Variants in PRRC2B observed in about 807,000 individuals in gnomAD.
The protein encoded by PRRC2B is proline rich coiled-coil 2B.
In PRRC2B, 68 loss-of-function variants were observed where a neutral mutation model predicts 242.3. The ratio of observed to expected loss-of-function variants is 0.28; its 90% CI spans 0.23 to 0.34. The LOEUF (loss-of-function observed/expected upper bound fraction) is 0.34, where lower values mean the gene tolerates loss of function less well. Ranked by LOEUF, PRRC2B falls within the 10% of genes least tolerant of loss-of-function variation. The pLI is 1.00. For synonymous variants in PRRC2B, 1,228 were observed against 1,173.6 expected (o/e 1.05, Z -0.95); for missense variants, 2,835 against 2,954.8 (o/e 0.96, Z 0.94).
intron 1 of PRRC2B, among the ~76,000 whole-genome samples, chr9:131,383,958 A>G (rs548154571): frequency 1.8e-4 from 28 of 151,640 alleles, no homozygotes; most frequent in Admixed American, 1.6e-3. Context: ...TTGCTCTGTC[A>G]CCCAGGTTGG....
chr9:131,408,327 T>A (rs1837421493), intron 1 of PRRC2B, among the ~76,000 whole-genome samples: 1 of 152,240 alleles, frequency 6.6e-6, no homozygotes, highest in South Asian at 2.1e-4. Flanking sequence ...GGCCCCAGCA[T>A]GTAAAGATAC....
chr9:131,487,398 G>GC lies in PRRC2B; in HGVS notation c.5984+106dup. The GC allele has an allele frequency of 1.3e-6, 1 of 763,320 alleles. No homozygotes were observed. The highest frequency in any genetic ancestry group is 3.5e-5 in the East Asian group (1 of 28,832). 47.3% of individuals were successfully genotyped at this position (763,320 alleles called of 1,614,324 possible). ...CTGTTTGGTGCTTGTCTGCTTTGGG[G>GC]CCAGTGGGGCGGGGAGGGGTGGGAG... On this transcript the variant is annotated intron_variant, in intron 27 of 31. Coordinates refer to ENST00000683519, the MANE Select transcript of PRRC2B (RefSeq NM_013318.4). This position sits in a 1 kb window ranked among gnomAD's most constrained non-coding sequence, Gnocchi z 5.3.
At chr9:131,393,776 TC>T (rs1459951506), upstream of PRRC2B, among the ~76,000 whole-genome samples, 5 of 146,998 alleles carry the variant, frequency 3.4e-5, no homozygotes, top group East Asian at 1.0e-3. Context: ...TTCTCTTGGC[TC>T]CTGGCCCCTC....
intron 1 of PRRC2B, among the ~76,000 whole-genome samples, chr9:131,429,179 T>C (rs1838056981): frequency 6.6e-6 from 1 of 152,200 alleles, no homozygotes; most frequent in African/African-American, 2.4e-5. Context: ...ACTCCTGACC[T>C]TAAGTGATCT....
intron 18 of PRRC2B, 96 bp from the exon 19 acceptor site, chr9:131,479,156 G>T: frequency 8.0e-7 from 1 of 1,256,464 alleles, no homozygotes. Flanking sequence ...GCATTTTCAG[G>T]TGGTGTGATT....
chr9:131,467,542 C>A, intron 12 of PRRC2B, 21 bp from the exon 13 acceptor site: 1 of 1,557,124 alleles, frequency 6.4e-7, no homozygotes, highest in Non-Finnish European at 8.7e-7. Context: ...TGTGTCATTT[C>A]TCTGCTGGTA....
intron 13 of PRRC2B, among the ~76,000 whole-genome samples, chr9:131,469,772 C>T (rs1943489606): frequency 6.6e-6 from 1 of 152,216 alleles, no homozygotes. Context: ...GAAATGAACC[C>T]TCCTGAGTCA....
intron 1 of PRRC2B, among the ~76,000 whole-genome samples, chr9:131,423,554 GA>G (rs1358892573): frequency 6.6e-6 from 1 of 152,180 alleles, no homozygotes; most frequent in African/African-American, 2.4e-5. Context: ...CCTGCAACGG[GA>G]GGAAATCCGA....
rs769986539 is a variant in PRRC2B, at chr9:131,467,588, G to C, written c.1746G>C (p.Glu582Asp). 3 of 1,611,218 alleles carry C rather than the reference G, an allele frequency of 1.9e-6. No individual in the cohort carries two copies. The South Asian group carries it at 3.3e-5, about 18-fold the overall frequency. Reference sequence around the variant, plus strand: ...GCTCCCCAGAATTCCCTGCCCAAGAGACCCCCACCACATTCCCAGAAGAGG... The same window carrying C: ...GCTCCCCAGAATTCCCTGCCCAAGACACCCCCACCACATTCCCAGAAGAGG... ...HKGSPEFPAQ[E>D]TPTTFPEEAP... Residue 582 changes from glutamate to aspartate, a missense_variant, in exon 13 of 32, where the codon GAG becomes GAC. Around this residue, in one of 7 missense-constraint regions of PRRC2B, gnomAD observed 1,536 missense variants for 1,483.1 expected, o/e 1.04. Transcript: ENST00000683519.
intron 9 of PRRC2B, among the ~76,000 whole-genome samples, chr9:131,453,904 C>T (rs1942997031): frequency 6.6e-6 from 1 of 152,084 alleles, no homozygotes; most frequent in Non-Finnish European, 1.5e-5. Flanking sequence ...AAAATTTACC[C>T]TTTTAAAGTC....
rs901945747 is a variant in PRRC2B at position 131,377,393 on chromosome 9, G to C, written c.-56+3662G>C. Among the ~76,000 whole-genome samples, 4 of 152,200 alleles carry C rather than the reference G, an allele frequency of 2.6e-5. No individual in the cohort carries two copies. The East Asian group carries it at 7.7e-4, about 29-fold the overall frequency. The stretch of plus-strand genomic sequence containing the variant: ...CTCCCAAAGTGTTGGGTTTACAGGC[G>C]TGAGCCACTGCTCCTGGCCTATACT... On this transcript the variant is annotated intron_variant, in intron 1 of 1. Coordinates refer to the PRRC2B transcript ENST00000682525.
intron 11 of PRRC2B, among the ~76,000 whole-genome samples, chr9:131,463,357 A>T (rs1038872342): frequency 6.6e-6 from 1 of 152,194 alleles, no homozygotes; most frequent in Non-Finnish European, 1.5e-5. Flanking sequence ...GAAAAGGCCT[A>T]GATCCTGTTT....
chr9:131,483,693 G>C (rs1432108272), intron 23 of PRRC2B, among the ~76,000 whole-genome samples: 2 of 152,176 alleles, frequency 1.3e-5, no homozygotes, highest in African/African-American at 2.4e-5. Flanking sequence ...TCTGTGCCAG[G>C]TGCGAGCCCA....
rs927377526 is a variant in PRRC2B, at chr9:131,446,146, C to T, written c.614-255C>T. Among the ~76,000 whole-genome samples the T allele has an allele frequency of 7.9e-5, 12 of 152,276 alleles. No individual in the cohort carries two copies. The highest frequency in any genetic ancestry group is 1.5e-4 in the Non-Finnish European group (10 of 68,026). ...GGGGAAGGGTGGTGATTGTTGCTTACTGATGAAGCCTTCTCTCTGAGTAGA... is the reference window on the plus strand; with the variant it reads ...GGGGAAGGGTGGTGATTGTTGCTTATTGATGAAGCCTTCTCTCTGAGTAGA... On this transcript the variant is annotated intron_variant, in intron 6 of 31. Transcript: ENST00000683519. This position sits in a 1 kb window ranked among gnomAD's most constrained non-coding sequence, Gnocchi z 4.1.
At chr9:131,428,991 T>C (rs1466326745) in intron 1 of PRRC2B, among the ~76,000 whole-genome samples, 1 of 152,232 alleles carries the variant, frequency 6.6e-6, no homozygotes, top group East Asian at 1.9e-4. Flanking sequence ...AGTCTCGCTC[T>C]GTCGCCTAGA....
rs1564300293 is a variant in PRRC2B, at chr9:131,483,440, AGTAAT to A, written c.5460_5460+4del. 6.2e-7 allele frequency: 1 copy of A among 1,613,686 alleles called. No individual in the cohort carries two copies. The highest frequency in any genetic ancestry group is 1.7e-5 in the Admixed American group (1 of 60,012). ...TGTTAAACTTCAGGATGCCTTGGCCAGTAATGTAAGTCCACACTTCCACTTTTGGC... is the reference window on the plus strand; with the variant it reads ...TGTTAAACTTCAGGATGCCTTGGCCAGTAAGTCCACACTTCCACTTTTGGC... On this transcript the variant is annotated frameshift_variant and splice_region_variant, in exon 23 of 32. Transcript: ENST00000683519. LOFTEE classifies it high-confidence loss of function.
rs1349645422 is a variant in PRRC2B at position 131,443,300 on chromosome 9, A to AT, written c.470-876dup. Among the ~76,000 whole-genome samples the AT allele has an allele frequency of 3.1e-3, 429 of 137,516 alleles. 1 individual carries two copies. The highest frequency in any genetic ancestry group is 0.018 in the Middle Eastern group (4 of 218). 90.2% of individuals were successfully genotyped at this position (137,516 alleles called of 152,430 possible). A position where few individuals can be genotyped will look rare whatever the true frequency, so the allele number is the denominator to read the frequency against. ...AGGCGCCCGCCACCACGTCTGGCTA[A>AT]TTTTTTTTTGTATTTTTAGTATAGA... On this transcript the variant is annotated intron_variant, in intron 5 of 31. Coordinates refer to ENST00000683519, the MANE Select transcript of PRRC2B (RefSeq NM_013318.4).
chr9:131,463,678 G>T (rs1285989744), intron 11 of PRRC2B, among the ~76,000 whole-genome samples: 3 of 139,338 alleles, frequency 2.2e-5, no homozygotes, highest in South Asian at 2.2e-4. Context: ...CCCCTGGCTG[G>T]AGTGCAGTGA....
At chr9:131,479,576 A>G (rs957381146) in intron 19 of PRRC2B, among the ~76,000 whole-genome samples, 183 bp downstream of exon 19, 1 of 142,800 alleles carries the variant, frequency 7.0e-6, no homozygotes, top group African/African-American at 2.6e-5. Context: ...TGCTGCTGCA[A>G]CCCCCAAACG....
Sources: gnomAD v4.1 joint callset for allele counts (sites outside exome capture counted in the v4.1 genomes callset) on GRCh38, gnomAD v4.1.1 for gene constraint, gnomAD v4.1.1 regional missense constraint, Gnocchi (gnomAD v3.1) non-coding constraint, MANE v1.5 for transcripts, NCBI Gene and HGNC (gene_info 2026-07-23, HGNC 2026-07-21) for gene names.